SLC4A8: variants seen among roughly 807,000 people sequenced by gnomAD.
The protein encoded by SLC4A8 is solute carrier family 4 member 8.
Under a neutral mutation model 125.0 loss-of-function variants are expected in SLC4A8, and 40 were observed. That is an observed-to-expected ratio of 0.32 (90% CI 0.25 to 0.42). SLC4A8 has a LOEUF of 0.42. Among genes scored for constraint, SLC4A8 ranks in the 10% least tolerant of loss-of-function variants. The pLI is 1.00. For missense variants in SLC4A8, 863 were observed against 1,355.1 expected (o/e 0.64, Z 5.70); for synonymous variants, 456 against 476.0 (o/e 0.96, Z 0.55).
At chr12:51,440,975 A>G (rs1373239228) in intron 2 of SLC4A8, 186 bp downstream of exon 2, 1 of 979,200 alleles carries the variant, frequency 1.0e-6, no homozygotes, top group Non-Finnish European at 1.4e-6. Context: ...GTCCTACCTT[A>G]CAGGGATATC....
At chr12:51,424,063 C>CAAAAAAAAAAAAAA (rs199851698), upstream of SLC4A8, among the ~76,000 whole-genome samples, 1 of 107,056 alleles carries the variant, frequency 9.3e-6, no homozygotes, top group Non-Finnish European at 1.8e-5. Flanking sequence ...ACAAAAAAAA[C>CAAAAAAAAAAAAAA]AACAAAAAAA....
intron 15 of SLC4A8, 49 bp downstream of exon 15, chr12:51,474,496 G>A (rs775400534): frequency 6.3e-7 from 1 of 1,579,458 alleles, no homozygotes; most frequent in East Asian, 2.3e-5. Flanking sequence ...CACAGGTTTA[G>A]GAGGGACTTC....
intron 22 of SLC4A8, among the ~76,000 whole-genome samples, chr12:51,499,968 G>T (rs1214072437): frequency 6.6e-6 from 1 of 152,174 alleles, no homozygotes; most frequent in Non-Finnish European, 1.5e-5. Flanking sequence ...ATAGGGGAGG[G>T]TGGCTTATGC....
chr12:51,439,299 A>C (rs943444791), intron 1 of SLC4A8, among the ~76,000 whole-genome samples: 1 of 152,092 alleles, frequency 6.6e-6, no homozygotes, highest in African/African-American at 2.4e-5. Context: ...TCAGGTGATC[A>C]CCTGCCTTGG....
intron 18 of SLC4A8, among the ~76,000 whole-genome samples, chr12:51,489,277 TA>T (rs1448900581): frequency 2.6e-5 from 4 of 152,186 alleles, no homozygotes; most frequent in Admixed American, 2.6e-4. Flanking sequence ...CCTAGGGAAG[TA>T]ACAGAGCAGG....
Position 51,475,133 on chromosome 12 carries a change from TTC to T in SLC4A8, c.2103_2104del (p.Phe703HisfsTer13). On this transcript the variant is annotated frameshift_variant, in exon 16 of 25. Transcript: ENST00000453097. LOFTEE classifies it high-confidence loss of function. ...CCTGATGTCCTCTTTTGGTCCTGTA[TTC>T]TCTTTTTCACCACCTTCATCCTCTC... The T allele has an allele frequency of 6.2e-7, 1 of 1,614,180 alleles. No homozygotes were observed. Among genetic ancestry groups the T allele is most frequent in the Non-Finnish European group, 8.5e-7 (1 of 1,180,000 alleles).
intron 13 of SLC4A8, among the ~76,000 whole-genome samples, chr12:51,470,818 G>T (rs1950669390): frequency 6.6e-6 from 1 of 151,104 alleles, no homozygotes; most frequent in East Asian, 1.9e-4. Context: ...CATTTCCATT[G>T]TGAGTCAATT....
chr12:51,392,733 G>A (rs1375027704), intron 1 of SLC4A8: 1 of 152,086 alleles, frequency 6.6e-6, no homozygotes, highest in African/African-American at 2.4e-5. Flanking sequence ...ACAATTAGTG[G>A]CAGGGCTGGA....
At chr12:51,488,941 C>T in intron 18 of SLC4A8, 81 bp downstream of exon 18, 2 of 1,067,624 alleles carry the variant, frequency 1.9e-6, no homozygotes, top group Non-Finnish European at 2.8e-6. Flanking sequence ...CACATCTAGA[C>T]CAGAAATTGT....
chr12:51,494,974 G>T lies in SLC4A8; in HGVS notation c.2799G>T (p.Met933Ile), dbSNP rs527836328. 6.2e-7 allele frequency: 1 copy of T among 1,614,078 alleles called. No individual in the cohort carries two copies. Among genetic ancestry groups the T allele is most frequent in the East Asian group, 2.2e-5 (1 of 44,870 alleles). The change falls in exon 21 of 25, where the codon ATG becomes ATT. Residue 933 changes from methionine (M) to isoleucine (I), a missense_variant. This residue lies in a region of SLC4A8 where 197 missense variants were observed against 377.7 expected (regional missense o/e 0.52). Coordinates refer to ENST00000453097, the MANE Select transcript of SLC4A8 (RefSeq NM_001039960.3). Reference protein sequence around the residue: ...QFFDRLKLFGMPAKHQPDFIY... With the variant: ...QFFDRLKLFGIPAKHQPDFIY... ...TTGATCGTCTAAAGCTCTTTGGGAT[G>T]CCCGCAAAGCACCAGCCAGATTTCA...
intron 1 of SLC4A8, among the ~76,000 whole-genome samples, chr12:51,401,939 A>ATTT (rs139226099): frequency 4.0e-4 from 60 of 150,424 alleles, no homozygotes; most frequent in East Asian, 2.2e-3. Flanking sequence ...TAATTTTTCT[A>ATTT]TTTTTTTTTG....
intron 2 of SLC4A8, among the ~76,000 whole-genome samples, chr12:51,450,077 A>G (rs1949914390): frequency 6.6e-6 from 1 of 152,094 alleles, no homozygotes; most frequent in Non-Finnish European, 1.5e-5. Context: ...AGGGAACACT[A>G]TTGGGTCACT....
rs770189059 is a variant in SLC4A8 at position 51,460,017 on chromosome 12, G to A, written c.922G>A (p.Val308Met). 2 of 1,613,346 alleles carry A rather than the reference G, an allele frequency of 1.2e-6. No homozygotes were observed. Among genetic ancestry groups the A allele is most frequent in the South Asian group, 2.2e-5 (2 of 91,074 alleles). ...AEASNVLVGEVDILDRPIVAF... is the reference protein window; with the variant it reads ...AEASNVLVGEMDILDRPIVAF... Reference sequence around the variant, plus strand: ...GGCCTCCAATGTCCTGGTTGGAGAGGTGGATATTTTGGACCGTCCCATTGT... The same window carrying A: ...GGCCTCCAATGTCCTGGTTGGAGAGATGGATATTTTGGACCGTCCCATTGT... Residue 308 changes from valine (V) to methionine (M), a missense_variant, in exon 8 of 25, where the codon GTG becomes ATG. By Grantham distance (21) the Val-to-Met change is conservative (BLOSUM62 1). Coordinates refer to ENST00000453097, the MANE Select transcript of SLC4A8 (RefSeq NM_001039960.3).
chr12:51,505,757 G>T, intron 23 of SLC4A8, 78 bp from the exon 24 acceptor site: 1 of 610,120 alleles, frequency 1.6e-6, no homozygotes, highest in South Asian at 2.5e-5. Flanking sequence ...CCCTTCTATT[G>T]GGACAGTGAT....
intron 22 of SLC4A8, chr12:51,497,566 C>T (rs1951496750): frequency 1.3e-5 from 2 of 155,394 alleles, no homozygotes; most frequent in African/African-American, 2.4e-5. Flanking sequence ...TTTCCCTCAG[C>T]ACTTGGCATC....
chr12:51,449,411 T>G (rs1949892072), intron 2 of SLC4A8, among the ~76,000 whole-genome samples: 1 of 147,212 alleles, frequency 6.8e-6, no homozygotes, highest in Non-Finnish European at 1.5e-5. Context: ...GGCAACAGAG[T>G]GAGACCCTAT....
chr12:51,424,769 C>T, upstream of SLC4A8: 1 of 536,718 alleles, frequency 1.9e-6, no homozygotes, highest in South Asian at 2.3e-5. Flanking sequence ...CAGCGTCCTC[C>T]CGTGCTCCGC....
chr12:51,393,161 C>T (rs539172216), intron 1 of SLC4A8, among the ~76,000 whole-genome samples: 8 of 151,724 alleles, frequency 5.3e-5, no homozygotes, highest in Non-Finnish European at 8.8e-5. Flanking sequence ...ACTGCCCAGG[C>T]TGGAGTGCAG....
Position 51,488,792 on chromosome 12 carries a change from A to G in SLC4A8, c.2380A>G (p.Thr794Ala), listed in dbSNP as rs767411514. The change falls in exon 18 of 25, where the codon ACT becomes GCT. Residue 794 changes from threonine (T) to alanine (A), a missense_variant. Physicochemically the swap from Thr to Ala is moderately conservative, Grantham distance 58. Around this residue, in one of 6 missense-constraint regions of SLC4A8, gnomAD observed 197 missense variants for 377.7 expected, o/e 0.52. Transcript: ENST00000453097. ...TGCAATTATCCCAGCTCTTCTCTGT[A>G]CTATCTTGATATTCATGGATCAGCA... ...IAAIIPALLC[T>A]ILIFMDQQIT... The G allele has an allele frequency of 6.2e-7, 1 of 1,613,526 alleles. No homozygotes were observed. Among genetic ancestry groups the G allele is most frequent in the South Asian group, 1.1e-5 (1 of 91,064 alleles).
Sources: allele counts gnomAD v4.1 joint callset (sites outside exome capture counted in the v4.1 genomes callset), GRCh38; gene constraint gnomAD v4.1.1; regional missense constraint gnomAD v4.1.1; transcripts MANE v1.5; gene names NCBI Gene and HGNC (gene_info 2026-07-23, HGNC 2026-07-21).